Variants in CCSER1 observed in about 807,000 individuals in gnomAD.
The protein encoded by CCSER1 is serine-rich coiled-coil domain-containing protein 1.
A neutral mutation model predicts 82.0 loss-of-function variants in CCSER1; 41 were observed. The ratio of observed to expected loss-of-function variants is 0.50; its 90% confidence interval spans 0.39 to 0.65. The LOEUF (loss-of-function observed/expected upper bound fraction) is 0.65, where lower values mean the gene tolerates loss of function less well. CCSER1 is among the 30% of genes least tolerant of loss of function. CCSER1 has a pLI of 0.00. For synonymous variants in CCSER1, 414 were observed against 383.9 expected (o/e 1.08, Z -0.92); for missense variants, 1,119 against 1,064.2 (o/e 1.05, Z -0.72).
chr4:90,656,185 G>C (rs1729669107), intron 6 of CCSER1, among the ~76,000 whole-genome samples: 2 of 151,850 alleles, frequency 1.3e-5, no homozygotes, highest in South Asian at 4.1e-4. Context: ...CCATTGGACA[G>C]TCTAAATGCT....
At chr4:91,369,817 C>T (rs367730488) in intron 10 of CCSER1, among the ~76,000 whole-genome samples, 9 of 150,550 alleles carry the variant, frequency 6.0e-5, no homozygotes, top group Non-Finnish European at 1.2e-4. Flanking sequence ...TTTGGGAGCA[C>T]GCCCACCACG....
chr4:91,271,874 C>T (rs1190203030), intron 10 of CCSER1, among the ~76,000 whole-genome samples: 1 of 152,170 alleles, frequency 6.6e-6, no homozygotes, highest in Non-Finnish European at 1.5e-5. Context: ...CCTGCCTCAT[C>T]CTCCCGAGTA....
rs1745092440 is a variant in CCSER1 at position 91,306,669 on chromosome 4, T to A, written c.2217+220675T>A. Among the ~76,000 whole-genome samples the A allele has an allele frequency of 2.6e-5, 4 of 152,038 alleles. No homozygotes were observed. In the South Asian group the frequency reaches 8.3e-4, roughly 31 times the overall value. Reference sequence around the variant, plus strand: ...AAAGAAAAAAATCAAGATGATTGTCTAATTCTAAAATATTTGTCAACATTT... The same window carrying A: ...AAAGAAAAAAATCAAGATGATTGTCAAATTCTAAAATATTTGTCAACATTT... On this transcript the variant is annotated intron_variant, in intron 10 of 10. Coordinates refer to ENST00000509176, the MANE Select transcript of CCSER1 (RefSeq NM_001145065.2).
At chr4:90,470,520 G>A (rs1394425565) in intron 5 of CCSER1, among the ~76,000 whole-genome samples, 1 of 151,326 alleles carries the variant, frequency 6.6e-6, no homozygotes, top group Non-Finnish European at 1.5e-5. Flanking sequence ...ATTGGCTCAT[G>A]TAATTTATAA....
intron 10 of CCSER1, among the ~76,000 whole-genome samples, chr4:91,207,940 A>G (rs13134976): frequency 0.62 from 94,304 of 151,790 alleles, 29,959 homozygotes; most frequent in East Asian, 0.93. Flanking sequence ...GCGAGATGGT[A>G]TGTCATTGTG....
At chr4:90,711,792 T>G (rs539023191) in intron 6 of CCSER1, among the ~76,000 whole-genome samples, 1 of 146,960 alleles carries the variant, frequency 6.8e-6, no homozygotes, top group Non-Finnish European at 1.5e-5. Flanking sequence ...TGGCCTGAAG[T>G]TTTTTTGTTG....
chr4:91,511,486 G>A (rs1759820846), intron 10 of CCSER1, among the ~76,000 whole-genome samples: 1 of 150,216 alleles, frequency 6.7e-6, no homozygotes, highest in Non-Finnish European at 1.5e-5. Flanking sequence ...TTTGTGTCAT[G>A]TATAACAGGG....
chr4:91,582,365 G>A (rs545508001), intron 10 of CCSER1, among the ~76,000 whole-genome samples: 1 of 151,662 alleles, frequency 6.6e-6, no homozygotes, highest in Admixed American at 6.6e-5. Context: ...AGGAAATCTT[G>A]TAATGCAGGA....
chr4:90,920,743 T>C (rs1010155660), intron 8 of CCSER1, among the ~76,000 whole-genome samples: 11 of 151,956 alleles, frequency 7.2e-5, no homozygotes, highest in African/African-American at 2.7e-4. Context: ...TGACTCACAG[T>C]GGAAGTGTCT....
intron 5 of CCSER1, among the ~76,000 whole-genome samples, chr4:90,572,361 C>T (rs146117580): frequency 4.5e-4 from 68 of 152,198 alleles, no homozygotes; most frequent in African/African-American, 1.5e-3. Context: ...ACTTCTTGTA[C>T]CTGGATCTTT....
intron 6 of CCSER1, among the ~76,000 whole-genome samples, chr4:90,671,102 G>A (rs1035083753): frequency 1.3e-5 from 2 of 152,054 alleles, no homozygotes; most frequent in South Asian, 2.1e-4. Flanking sequence ...GGTCACCTGA[G>A]CCTAAACAGA....
intron 4 of CCSER1, among the ~76,000 whole-genome samples, chr4:90,443,657 T>C (rs1760224684): frequency 6.6e-6 from 1 of 152,086 alleles, no homozygotes; most frequent in Non-Finnish European, 1.5e-5. Context: ...ATAAAATATA[T>C]TTTATATTTT....
intron 10 of CCSER1, among the ~76,000 whole-genome samples, chr4:91,160,821 G>A (rs1442645802): frequency 6.6e-6 from 1 of 152,126 alleles, no homozygotes; most frequent in Non-Finnish European, 1.5e-5. Context: ...CAGATGGGTA[G>A]ATTGCCAAAA....
chr4:91,553,469 TTG>T (rs1371715342), intron 10 of CCSER1, among the ~76,000 whole-genome samples: 1 of 151,460 alleles, frequency 6.6e-6, no homozygotes, highest in African/African-American at 2.4e-5. Context: ...TAGATATTAA[TTG>T]TGTTTTAAAT....
chr4:90,479,680 T>A (rs1765632896), intron 5 of CCSER1, among the ~76,000 whole-genome samples: 1 of 152,190 alleles, frequency 6.6e-6, no homozygotes, highest in Admixed American at 6.5e-5. Context: ...GCCAGCTTCA[T>A]CCATGTCCCT....
At chr4:91,317,173 C>T (rs1745891971) in intron 10 of CCSER1, among the ~76,000 whole-genome samples, 1 of 151,776 alleles carries the variant, frequency 6.6e-6, no homozygotes, top group Admixed American at 6.6e-5. Flanking sequence ...TATTATTTGA[C>T]AAACAAAAAT....
At chr4:91,107,282 C>A (rs2148864575) in intron 10 of CCSER1, among the ~76,000 whole-genome samples, 1 of 152,088 alleles carries the variant, frequency 6.6e-6, no homozygotes, top group South Asian at 2.1e-4. Flanking sequence ...TGAGACAGAG[C>A]CCCGCTCTGT....
chr4:91,554,534 T>C (rs548542669), intron 10 of CCSER1, among the ~76,000 whole-genome samples: 1 of 151,320 alleles, frequency 6.6e-6, no homozygotes, highest in East Asian at 1.9e-4. Context: ...AAAACATTGA[T>C]AAACAAAATT....
Position 90,242,553 on chromosome 4 carries a change from A to G in CCSER1, c.-41-65691A>G, listed in dbSNP as rs74669165. On this transcript the variant is annotated intron_variant, in intron 1 of 10. Transcript: ENST00000509176. ...TATTGAAGAGATAATAAAATGATGG[A>G]CAAGAACATGAACCTAGTGAACAAT... 2.9e-3 allele frequency among the ~76,000 whole-genome samples: 438 copies of G among 152,328 alleles called. 4 individuals are homozygous for G. The highest frequency in any genetic ancestry group is 0.019 in the East Asian group (101 of 5,184).
Sources: allele counts gnomAD v4.1 joint callset (sites outside exome capture counted in the v4.1 genomes callset), GRCh38; gene constraint gnomAD v4.1.1; transcripts MANE v1.5; gene names NCBI Gene and HGNC (gene_info 2026-07-23, HGNC 2026-07-21).